Variants in BIRC6 observed in about 807,000 individuals in gnomAD.
BIRC6 encodes dual E2 ubiquitin-conjugating enzyme/E3 ubiquitin-protein ligase BIRC6.
In BIRC6, 98 loss-of-function variants were observed where a neutral mutation model predicts 503.3. The ratio of observed to expected loss-of-function variants is 0.19; its 90% CI spans 0.17 to 0.23. The LOEUF (loss-of-function observed/expected upper bound fraction) is 0.23. BIRC6 is among the 10% of genes least tolerant of loss of function. The probability of loss-of-function intolerance (pLI) is 1.00; values close to 1 mark genes in which losing one functional copy is unlikely to be tolerated. For missense variants in BIRC6, 5,360 were observed against 5,806.0 expected (o/e 0.92, Z 2.50); for synonymous variants, 2,240 against 2,078.7 (o/e 1.08, Z -2.11).
Position 32,611,552 on chromosome 2 carries a change from G to A in BIRC6, c.14364G>A (p.Arg4788=). 6.3e-7 allele frequency: 1 copy of A among 1,596,530 alleles called. No individual in the cohort carries two copies. Among genetic ancestry groups the A allele is most frequent in the Non-Finnish European group, 8.6e-7 (1 of 1,169,512 alleles). The change falls in exon 73 of 74, where the codon AGG becomes AGA. Residue 4788 remains arginine (R), a synonymous_variant. Transcript: ENST00000421745. ...ACAGCAGTGATAAGCGGGTAGGCAG[G>A]ACTATGTCTCACCATGCAGCAGCTC... ...QQYSSDKRVG[R]TMSHHAAALK... is the part of the protein sequence containing the mutation.
Position 32,504,706 on chromosome 2 carries a change from T to TA in BIRC6, c.9500-292dup, listed in dbSNP as rs1392256006. ...AAATAAATAAATAATAAAAAAAATT[T>TA]AAAAAAAGTTTGAAAATTATTGAGC... On this transcript the variant is annotated intron_variant, in intron 49 of 73. Coordinates refer to ENST00000421745, the MANE Select transcript of BIRC6 (RefSeq NM_016252.4). Among the ~76,000 whole-genome samples, 24 of 151,888 alleles carry TA rather than the reference T, an allele frequency of 1.6e-4. No individual in the cohort carries two copies. The South Asian group carries it at 5.0e-3, about 32-fold the overall frequency.
intron 58 of BIRC6, 49 bp from the exon 59 acceptor site, chr2:32,525,415 C>T: frequency 6.3e-7 from 1 of 1,588,258 alleles, no homozygotes; most frequent in Non-Finnish European, 8.6e-7. Flanking sequence ...TGTTTTCCTT[C>T]ATATTAGTGT....
intron 73 of BIRC6, among the ~76,000 whole-genome samples, chr2:32,614,756 C>T (rs954126601): frequency 2.6e-5 from 4 of 152,142 alleles, no homozygotes; most frequent in East Asian, 1.9e-4. Context: ...CGCCTGAACC[C>T]GGGAGGTGGA....
chr2:32,485,494 G>T (rs1392672549), intron 39 of BIRC6, 149 bp from the exon 40 acceptor site: 1 of 529,712 alleles, frequency 1.9e-6, no homozygotes, highest in Non-Finnish European at 3.4e-6. Flanking sequence ...TTCCCCTGCT[G>T]TGGCTCCGAT....
Position 32,477,391 on chromosome 2 carries a change from A to G in BIRC6, c.6876A>G (p.Leu2292=), listed in dbSNP as rs571151820. The change falls in exon 35 of 74, where the codon TTA becomes TTG. Residue 2292 remains leucine, a synonymous_variant. Coordinates refer to ENST00000421745, the MANE Select transcript of BIRC6 (RefSeq NM_016252.4). ...TSKHFKDLIR[L]RRTAEWSRSN... ...AGCACTTTAAGGATTTAATTCGTTT[A>G]CGTCGGACAGCAGAATGGTCCCGTT... The G allele has an allele frequency of 4.3e-6, 7 of 1,613,974 alleles. No individual in the cohort carries two copies. The South Asian group carries it at 6.6e-5, about 15-fold the overall frequency.
chr2:32,480,787 G>A (rs897802126), intron 37 of BIRC6, among the ~76,000 whole-genome samples: 12 of 151,598 alleles, frequency 7.9e-5, no homozygotes, highest in Admixed American at 2.6e-4. Context: ...GATTACAGGC[G>A]GCCACCACCA....
At chr2:32,470,490 T>TA (rs141484644) in intron 31 of BIRC6, among the ~76,000 whole-genome samples, 189 bp downstream of exon 31, 6,047 of 152,284 alleles carry the variant, frequency 0.04, 197 homozygotes, top group African/African-American at 0.095. Flanking sequence ...TAAAATTTAT[T>TA]CCTTTTCATT....
At chr2:32,401,849 T>C (rs2040630382) in intron 8 of BIRC6, among the ~76,000 whole-genome samples, 1 of 152,226 alleles carries the variant, frequency 6.6e-6, no homozygotes, top group Non-Finnish European at 1.5e-5. Flanking sequence ...TCACAATCTA[T>C]GTCAATTGGA....
Position 32,617,725 on chromosome 2 carries a change from C to T in BIRC6, c.14395C>T (p.Arg4799Cys), listed in dbSNP as rs759980874. ...TMSHHAAALK[R>C]HTAQLREELL... The stretch of plus-strand genomic sequence containing the variant: ...ACATTAGTCCTTTTCTCCTGCATAG[C>T]GTCACACTGCTCAGCTCCGCGAAGA... The change falls in exon 74 of 74, where the codon CGT (arginine) becomes TGT (cysteine). Residue 4799 changes from arginine (R) to cysteine (C), a missense_variant and splice_region_variant. Coordinates refer to ENST00000421745, the MANE Select transcript of BIRC6 (RefSeq NM_016252.4). 3.7e-6 allele frequency: 6 copies of T among 1,613,296 alleles called. No individual in the cohort carries two copies. Among genetic ancestry groups the T allele is most frequent in the Non-Finnish European group, 5.1e-6 (6 of 1,179,558 alleles).
At chr2:32,422,364 CT>C (rs2043036170) in intron 10 of BIRC6, among the ~76,000 whole-genome samples, 1 of 150,960 alleles carries the variant, frequency 6.6e-6, no homozygotes, top group Non-Finnish European at 1.5e-5. Flanking sequence ...TCACTGCATT[CT>C]TTTGTGTTGA....
intron 11 of BIRC6, among the ~76,000 whole-genome samples, chr2:32,429,973 C>CT (rs1205621012): frequency 6.6e-6 from 1 of 151,724 alleles, no homozygotes; most frequent in Non-Finnish European, 1.5e-5. Context: ...CAGAAAAATG[C>CT]TTTTTAGTAG....
At chr2:32,457,191 T>C (rs1390621403) in intron 23 of BIRC6, among the ~76,000 whole-genome samples, 1 of 152,246 alleles carries the variant, frequency 6.6e-6, no homozygotes, top group Non-Finnish European at 1.5e-5. Flanking sequence ...CTTTCAACTT[T>C]TCAGTGTTTC....
chr2:32,567,449 A>T (rs2059612813), intron 65 of BIRC6, among the ~76,000 whole-genome samples: 1 of 152,256 alleles, frequency 6.6e-6, no homozygotes, highest in African/African-American at 2.4e-5. Flanking sequence ...CCATTCATTA[A>T]GGACTTGTGT....
chr2:32,384,971 G>T (rs1199531779), intron 3 of BIRC6, among the ~76,000 whole-genome samples: 2 of 152,134 alleles, frequency 1.3e-5, no homozygotes, highest in Non-Finnish European at 1.5e-5. Context: ...TAGTCTTCTA[G>T]TTCTGTTTCT....
chr2:32,574,835 G>A (rs990530477), intron 65 of BIRC6: 2 of 347,732 alleles, frequency 5.8e-6, no homozygotes, highest in South Asian at 2.5e-5. Context: ...TATAGTCTCC[G>A]CCTCCCAGGT....
chr2:32,561,420 A>G (rs1336710038), intron 65 of BIRC6, among the ~76,000 whole-genome samples: 1 of 151,512 alleles, frequency 6.6e-6, no homozygotes, highest in East Asian at 2.0e-4. Context: ...TTGTATTTTT[A>G]GTAGAGGCTG....
intron 45 of BIRC6, among the ~76,000 whole-genome samples, 156 bp downstream of exon 45, chr2:32,493,823 A>G (rs2052066921): frequency 6.6e-6 from 1 of 152,146 alleles, no homozygotes; most frequent in Admixed American, 6.5e-5. Flanking sequence ...GTGTTTCCTG[A>G]TTGTTTCCAT....
chr2:32,548,270 G>A (rs370699196), intron 64 of BIRC6, among the ~76,000 whole-genome samples: 1 of 148,606 alleles, frequency 6.7e-6, no homozygotes, highest in Non-Finnish European at 1.5e-5. Context: ...GCTGGAAGAT[G>A]CATCTTCCTA....
In BIRC6 at chr2:32,415,516, G is replaced by A. The variant is rs1411052405; in HGVS notation, c.2225G>A (p.Gly742Glu). 1 of 1,613,920 alleles carries A rather than the reference G, an allele frequency of 6.2e-7. No homozygotes were observed. The highest frequency in any genetic ancestry group is 1.3e-5 in the African/African-American group (1 of 74,938). The change falls in exon 10 of 74, where the codon GGA (glycine) becomes GAA (glutamate). Residue 742 changes from glycine (G) to glutamate (E), a missense_variant. Coordinates refer to ENST00000421745, the MANE Select transcript of BIRC6 (RefSeq NM_016252.4). ...GACTCAATAACTCCTTGTGCTGACG[G>A]AATTCATTTGTTGGTAGGACTGCGG... ...CIDSITPCAD[G>E]IHLLVGLRTC...
Sources: allele counts gnomAD v4.1 joint callset (sites outside exome capture counted in the v4.1 genomes callset), GRCh38; gene constraint gnomAD v4.1.1; transcripts MANE v1.5; gene names NCBI Gene and HGNC (gene_info 2026-07-23, HGNC 2026-07-21).